AHI1: variants seen among roughly 807,000 people sequenced by gnomAD.
AHI1 encodes the protein jouberin.
Under a neutral mutation model 149.3 loss-of-function variants are expected in AHI1, and 123 were observed. That is an observed-to-expected ratio of 0.82 (90% confidence interval 0.71 to 0.96). The LOEUF (loss-of-function observed/expected upper bound fraction) is 0.96. Ranked by LOEUF, AHI1 falls within the 40% of genes least tolerant of loss-of-function variation. The pLI, the probability that AHI1 is intolerant of heterozygous loss-of-function variation, is 0.00. For missense variants in AHI1, 1,439 were observed against 1,422.7 expected, an observed-to-expected ratio of 1.01 and a Z score of -0.18; for synonymous variants, 475 against 459.8, an observed-to-expected ratio of 1.03 and a Z score of -0.42.
intron 24 of AHI1, among the ~76,000 whole-genome samples, chr6:135,338,360 T>C (rs1789746812): frequency 6.6e-6 from 1 of 151,608 alleles, no homozygotes; most frequent in Admixed American, 6.6e-5. Flanking sequence ...GTTAGCACGT[T>C]AGCATATAAT....
rs745507530 is a variant in AHI1, at chr6:135,428,691, C to A, written c.2561G>T (p.Cys854Phe). ...REKIHSTLTP[C>F]GTFLFAGSED... ...ACTTCCAGCAAACAGAAAAGTCCCACATGGAGTCAAAGTACTATGAATCTT... is the reference window on the plus strand; with the variant it reads ...ACTTCCAGCAAACAGAAAAGTCCCAAATGGAGTCAAAGTACTATGAATCTT... Residue 854 changes from cysteine to phenylalanine, a missense_variant, in exon 19 of 29, where the codon TGT (cysteine) becomes TTT (phenylalanine). By Grantham distance (205) the Cys-to-Phe change is radical. Transcript: ENST00000265602. 2.2e-5 allele frequency: 35 copies of A among 1,608,992 alleles called. No individual in the cohort carries two copies. The highest frequency in any genetic ancestry group is 3.4e-5 in the Admixed American group (2 of 59,546).
intron 20 of AHI1, among the ~76,000 whole-genome samples, chr6:135,422,619 T>TTATGTATGTATGTATGTATGTATG (rs71006761): frequency 6.8e-6 from 1 of 147,724 alleles, no homozygotes. Context: ...AGTTTTATTT[T>TTATGTATGTATGTATGTATGTATG]TATGTATGTA....
intron 26 of AHI1, among the ~76,000 whole-genome samples, chr6:135,307,413 C>G (rs1784646799): frequency 6.6e-6 from 1 of 152,164 alleles, no homozygotes; most frequent in East Asian, 1.9e-4. Flanking sequence ...TAACATTAGT[C>G]AATAGATATC....
intron 5 of AHI1, among the ~76,000 whole-genome samples, chr6:135,480,874 C>T (rs544403153): frequency 6.6e-6 from 1 of 152,304 alleles, no homozygotes; most frequent in South Asian, 2.1e-4. Flanking sequence ...AGCAACAACC[C>T]TATTACAAAT....
chr6:135,475,121 A>G (rs1233095560), intron 5 of AHI1, among the ~76,000 whole-genome samples: 2 of 152,158 alleles, frequency 1.3e-5, no homozygotes, highest in African/African-American at 4.8e-5. Flanking sequence ...TTTCTTTTTG[A>G]GTGAGCTTCA....
rs148521781 is a variant in AHI1 at position 135,325,909 on chromosome 6, G to A, written c.3166-2585C>T. On this transcript the variant is annotated intron_variant, in intron 24 of 28. Transcript: ENST00000265602. The stretch of plus-strand genomic sequence containing the variant: ...CAGGCTGTGTCACTGTGTGAACCTC[G>A]GAAAGTCTGAAGCTTATCAAGTGAA... Among the ~76,000 whole-genome samples, 110 of 152,268 alleles carry A rather than the reference G, an allele frequency of 7.2e-4. 1 individual carries two copies. The highest frequency in any genetic ancestry group is 2.6e-3 in the African/African-American group (107 of 41,556).
At chr6:135,314,981 T>C (rs1395748170) in intron 26 of AHI1, among the ~76,000 whole-genome samples, 1 of 152,302 alleles carries the variant, frequency 6.6e-6, no homozygotes, top group Middle Eastern at 3.4e-3. Context: ...ACCAACTAAA[T>C]GTATTTGAAG....
At chr6:135,377,778 G>A (rs1254197670) in intron 23 of AHI1, among the ~76,000 whole-genome samples, 1 of 152,036 alleles carries the variant, frequency 6.6e-6, no homozygotes, top group East Asian at 1.9e-4. Context: ...CCCAGCCTGA[G>A]TTCTTATTTT....
At chr6:135,465,228 T>A (rs1017290380) in intron 7 of AHI1, among the ~76,000 whole-genome samples, 3 of 152,210 alleles carry the variant, frequency 2.0e-5, no homozygotes, top group Non-Finnish European at 4.4e-5. Context: ...CATTTTTACC[T>A]TATTGTTTTC....
chr6:135,442,068 A>G (rs1786381110), intron 14 of AHI1, among the ~76,000 whole-genome samples: 1 of 152,182 alleles, frequency 6.6e-6, no homozygotes, highest in South Asian at 2.1e-4. Context: ...CTAGAACAGT[A>G]TGATAATGCT....
At chr6:135,343,056 C>A (rs186257747) in intron 24 of AHI1, among the ~76,000 whole-genome samples, 51 of 151,004 alleles carry the variant, frequency 3.4e-4, no homozygotes, top group Middle Eastern at 3.4e-3. Context: ...TGAAAAAAAA[C>A]AAACCCCAGA....
chr6:135,286,338 G>A (rs958939476), intron 28 of AHI1: 27 of 152,212 alleles, frequency 1.8e-4, no homozygotes, highest in African/African-American at 5.8e-4. Flanking sequence ...AAATTAGTGG[G>A]GCTAAACCTA....
At chr6:135,353,501 C>A (rs1456001254) in intron 24 of AHI1, among the ~76,000 whole-genome samples, 3 of 152,064 alleles carry the variant, frequency 2.0e-5, no homozygotes, top group Middle Eastern at 3.4e-3. Context: ...CAAGCTGTCC[C>A]AAATATTATG....
intron 23 of AHI1, among the ~76,000 whole-genome samples, chr6:135,388,622 G>A (rs3827780): frequency 0.6 from 91,584 of 152,082 alleles, 27,694 homozygotes; most frequent in Middle Eastern, 0.71. Context: ...CTTAAAAACA[G>A]TAAAAAATTT....
chr6:135,443,719 A>G (rs1034498239), intron 13 of AHI1, among the ~76,000 whole-genome samples: 5 of 152,274 alleles, frequency 3.3e-5, no homozygotes, highest in African/African-American at 1.2e-4. Context: ...GCTACTAGGA[A>G]TGTGAAAAAT....
At chr6:135,484,619 C>T (rs1459857728) in intron 5 of AHI1, among the ~76,000 whole-genome samples, 1 of 152,040 alleles carries the variant, frequency 6.6e-6, no homozygotes, top group African/African-American at 2.4e-5. Context: ...TTATAAAATA[C>T]TCAGAAGGTC....
intron 11 of AHI1, among the ~76,000 whole-genome samples, chr6:135,452,523 T>C (rs1788281212): frequency 6.6e-6 from 1 of 152,210 alleles, no homozygotes; most frequent in Non-Finnish European, 1.5e-5. Context: ...CCCTCTAGAA[T>C]CTGTTCTCCA....
chr6:135,479,115 T>C (rs1793186977), intron 5 of AHI1, among the ~76,000 whole-genome samples: 1 of 152,244 alleles, frequency 6.6e-6, no homozygotes, highest in Non-Finnish European at 1.5e-5. Context: ...GGAACCCTCA[T>C]GGAGAACCTC....
intron 14 of AHI1, among the ~76,000 whole-genome samples, chr6:135,440,954 T>C (rs1170200097): frequency 6.6e-6 from 1 of 151,502 alleles, no homozygotes; most frequent in Non-Finnish European, 1.5e-5. Context: ...GAGTGGCCCA[T>C]ACACAGGGGA....
Sources: allele counts gnomAD v4.1 joint callset (sites outside exome capture counted in the v4.1 genomes callset), GRCh38; gene constraint gnomAD v4.1.1; transcripts MANE v1.5; gene names NCBI Gene and HGNC (gene_info 2026-07-23, HGNC 2026-07-21).